Variants in MAP4 observed in about 807,000 individuals in gnomAD.
MAP4 encodes the protein microtubule associated protein 4.
Under a neutral mutation model 170.2 loss-of-function variants are expected in MAP4, and 76 were observed. The ratio of observed to expected loss-of-function variants is 0.45; its 90% confidence interval spans 0.37 to 0.54. The LOEUF is 0.54. Ranked by LOEUF, MAP4 falls within the 20% of genes least tolerant of loss-of-function variation. The probability of loss-of-function intolerance (pLI) is 0.00; values close to 1 mark genes in which losing one functional copy is unlikely to be tolerated. For missense variants in MAP4, 2,506 were observed against 2,748.0 expected (o/e 0.91, Z 1.97); for synonymous variants, 909 against 994.5 (o/e 0.91, Z 1.62).
At chr3:48,071,723 G>A (rs552752986) in intron 1 of MAP4, among the ~76,000 whole-genome samples, 5 of 151,796 alleles carry the variant, frequency 3.3e-5, no homozygotes, top group Non-Finnish European at 7.4e-5. Context: ...TCAGGAGCTC[G>A]AGACTGGCTG....
intron 17 of MAP4, among the ~76,000 whole-genome samples, chr3:47,861,249 A>G (rs1401205218): frequency 6.6e-6 from 1 of 151,726 alleles, no homozygotes; most frequent in Admixed American, 6.6e-5. Context: ...AGTCCCAGTT[A>G]CTCGGGAGGC....
At position 48,015,540 on chromosome 3, in the gene MAP4, A is replaced by G. The variant is rs568262925; in HGVS notation, c.-20+794T>C. ...GATGGATACAGGTATAGCCTGCTTC[A>G]TAATAATTTAATATTCAACATCAGA... is the stretch of plus-strand genomic sequence containing the variant. On this transcript the variant is annotated intron_variant, in intron 1 of 20. Coordinates refer to ENST00000683076, the MANE Select transcript of MAP4 (RefSeq NM_001385682.1). 4.6e-5 allele frequency among the ~76,000 whole-genome samples: 7 copies of G among 152,300 alleles called. No homozygotes were observed. In the East Asian group the frequency reaches 1.3e-3, roughly 29 times the overall value.
At chr3:48,021,784 T>A (rs1223297582) in intron 1 of MAP4, among the ~76,000 whole-genome samples, 1 of 152,218 alleles carries the variant, frequency 6.6e-6, no homozygotes, top group African/African-American at 2.4e-5. Context: ...AGAACAAACT[T>A]AGAGGAACTT....
At chr3:47,961,016 CTT>C (rs1163322758) in intron 3 of MAP4, 4 of 155,904 alleles carry the variant, frequency 2.6e-5, no homozygotes, top group African/African-American at 9.6e-5. Flanking sequence ...CTGCCATTTT[CTT>C]TGTTTCCTTA....
At chr3:47,859,099 A>C (rs2061330451) in intron 17 of MAP4, among the ~76,000 whole-genome samples, 1 of 152,152 alleles carries the variant, frequency 6.6e-6, no homozygotes, top group South Asian at 2.1e-4. Context: ...ACTGCACTCC[A>C]GCCTGGGCAA....
chr3:47,975,395 A>G (rs2154261818), intron 3 of MAP4: 3 of 1,555,524 alleles, frequency 1.9e-6, no homozygotes, highest in Non-Finnish European at 1.7e-6. Flanking sequence ...TTTTAGAAGT[A>G]TAACGATGCT....
intron 10 of MAP4, among the ~76,000 whole-genome samples, chr3:47,895,629 GC>G (rs2100026430): frequency 6.6e-6 from 1 of 152,214 alleles, no homozygotes; most frequent in South Asian, 2.1e-4. Context: ...GTTCCTTATA[GC>G]CAAATTATTT....
chr3:48,010,779 G>A (rs1385547280), intron 1 of MAP4, among the ~76,000 whole-genome samples: 1 of 152,112 alleles, frequency 6.6e-6, no homozygotes, highest in South Asian at 2.1e-4. Context: ...AGCCACCAGC[G>A]AATATAGAGC....
At chr3:47,991,344 G>A (rs2100092055) in intron 2 of MAP4, among the ~76,000 whole-genome samples, 1 of 152,138 alleles carries the variant, frequency 6.6e-6, no homozygotes, top group Admixed American at 6.6e-5. Context: ...AACTTCCACT[G>A]GTTGGCCTAA....
chr3:47,887,759 T>G (rs1042743037), intron 10 of MAP4, among the ~76,000 whole-genome samples: 11 of 152,234 alleles, frequency 7.2e-5, no homozygotes, highest in Non-Finnish European at 1.3e-4. Flanking sequence ...GCTCAAGGTT[T>G]GTGAATCCAC....
intron 1 of MAP4, among the ~76,000 whole-genome samples, chr3:48,033,498 T>C (rs2100117208): frequency 6.6e-6 from 1 of 152,226 alleles, no homozygotes; most frequent in Non-Finnish European, 1.5e-5. Flanking sequence ...CTGTCCTTAA[T>C]TTTTTTAATT....
At position 47,989,181 on chromosome 3, in the gene MAP4, C is replaced by T. The variant is rs1342846973; in HGVS notation, c.223+9457G>A. On this transcript the variant is annotated intron_variant, in intron 2 of 20. Transcript: ENST00000683076. ...ATCCCAGCACTTTGGGAGGCCTAGG[C>T]GGAAGGGCTGCTTGAGGCCAGGAGT... is the stretch of plus-strand genomic sequence containing the variant. 5.3e-5 allele frequency among the ~76,000 whole-genome samples: 8 copies of T among 152,164 alleles called. 1 individual carries two copies. Among genetic ancestry groups the T allele is most frequent in the Non-Finnish European group, 1.0e-4 (7 of 68,030 alleles).
At chr3:48,002,954 A>AAAAAAT (rs2100100052) in intron 1 of MAP4, among the ~76,000 whole-genome samples, 1 of 144,686 alleles carries the variant, frequency 6.9e-6, no homozygotes, top group East Asian at 2.0e-4. Flanking sequence ...ATTAAGGCCA[A>AAAAAAT]AAATAAATAA....
intron 3 of MAP4, among the ~76,000 whole-genome samples, chr3:47,929,835 A>G (rs1176361139): frequency 6.6e-6 from 1 of 152,144 alleles, no homozygotes; most frequent in Non-Finnish European, 1.5e-5. Flanking sequence ...CTTTTCAAAG[A>G]TGCTATTAAA....
chr3:48,056,503 T>C (rs1257272516), intron 1 of MAP4, among the ~76,000 whole-genome samples: 166 of 22,604 alleles, frequency 7.3e-3, no homozygotes, highest in Admixed American at 8.3e-3. Flanking sequence ...GGGTCAGCCC[T>C]CCCCCCGGCC....
In MAP4 at chr3:47,876,132, C is replaced by CTTT. The variant is rs756229459; in HGVS notation, c.5542-235_5542-233dup. On this transcript the variant is annotated intron_variant, in intron 11 of 20. Coordinates refer to ENST00000683076, the MANE Select transcript of MAP4 (RefSeq NM_001385682.1). ...TGGGGAATAGTTTCTTTTTCTTTTT[C>CTTT]TTTCTTTTTTTTTTTTTTTGAGATG... Among the ~76,000 whole-genome samples the CTTT allele has an allele frequency of 5.7e-5, 8 of 140,570 alleles. 1 individual carries two copies. Among genetic ancestry groups the CTTT allele is most frequent in the Non-Finnish European group, 7.7e-5 (5 of 64,576 alleles). The allele number at this position is 140,570 out of a possible 152,430, so 92.2% of individuals were successfully genotyped here.
chr3:48,063,266 G>A (rs1426853126), intron 1 of MAP4, among the ~76,000 whole-genome samples: 1 of 151,948 alleles, frequency 6.6e-6, no homozygotes, highest in Non-Finnish European at 1.5e-5. Context: ...TTCATTGCTA[G>A]TGGAAATGCA....
Position 47,952,244 on chromosome 3 carries a change from G to A in MAP4, c.293-23894C>T, listed in dbSNP as rs1318745333. The stretch of plus-strand genomic sequence containing the variant: ...AGCATCTCCACCCGGCAGCCGCCCC[G>A]TCCGGGAGGGAGGTGGGGGGGTCAG... On this transcript the variant is annotated intron_variant, in intron 3 of 20. Transcript: ENST00000683076. Among the ~76,000 whole-genome samples, 10 of 150,168 alleles carry A rather than the reference G, an allele frequency of 6.7e-5. No individual in the cohort carries two copies. In the East Asian group the frequency reaches 1.8e-3, roughly 27 times the overall value.
At position 47,909,481 on chromosome 3, in the gene MAP4, T is replaced by C; in HGVS notation, c.4940A>G (p.Lys1647Arg). The change falls in exon 9 of 21, where the codon AAA becomes AGA. Residue 1647 changes from lysine (K) to arginine (R), a missense_variant. By Grantham distance (26) the Lys-to-Arg change is conservative. Transcript: ENST00000683076. Reference sequence around the variant, plus strand: ...CTTCTTATTCAAACTATCTGAACCTTTGGAATTTCTATCTTGAGCATTTTG... The same window carrying C: ...CTTCTTATTCAAACTATCTGAACCTCTGGAATTTCTATCTTGAGCATTTTG... ...EDQNAQDRNS[K>R]GSDSLNKKVD... 5 of 1,613,868 alleles carry C rather than the reference T, an allele frequency of 3.1e-6. No individual in the cohort carries two copies. Among genetic ancestry groups the C allele is most frequent in the South Asian group, 2.2e-5 (2 of 91,078 alleles).
Sources: gnomAD v4.1 joint callset for allele counts (sites outside exome capture counted in the v4.1 genomes callset) on GRCh38, gnomAD v4.1.1 for gene constraint, MANE v1.5 for transcripts, NCBI Gene and HGNC (gene_info 2026-07-23, HGNC 2026-07-21) for gene names.